The following SEC23IP variants were observed in gnomAD, a reference collection of about 807,000 sequenced individuals.
The protein encoded by SEC23IP is SEC23 interacting protein, also known as SEC23-interacting protein.
Under a neutral mutation model 113.4 loss-of-function variants are expected in SEC23IP, and 70 were observed. The observed-to-expected ratio is 0.62, with a 90% confidence interval of 0.51 to 0.75. The LOEUF (loss-of-function observed/expected upper bound fraction) is 0.75, where lower values mean the gene tolerates loss of function less well. Ranked by LOEUF, SEC23IP falls within the 30% of genes least tolerant of loss-of-function variation. SEC23IP has a pLI of 0.00. For synonymous variants in SEC23IP, 398 were observed against 421.0 expected (o/e 0.95, Z 0.67); for missense variants, 1,160 against 1,204.9 (o/e 0.96, Z 0.55).
In SEC23IP at chr10:119,933,048, C is replaced by T; in HGVS notation, c.2802C>T (p.Asp934=). 2 of 1,614,044 alleles carry T rather than the reference C, an allele frequency of 1.2e-6. No individual in the cohort carries two copies. The highest frequency in any genetic ancestry group is 1.7e-6 in the Non-Finnish European group (2 of 1,179,910). Reference sequence around the variant, plus strand: ...GTCCAGATTTTTCCAAGGATGAGGACTACTTAGGAAAGGTTGGAATGTTAA... The same window carrying T: ...GTCCAGATTTTTCCAAGGATGAGGATTACTTAGGAAAGGTTGGAATGTTAA... ...VESPDFSKDE[D]YLGKVGMLNG... Residue 934 remains aspartate, a synonymous_variant, in exon 17 of 19, where the codon GAC becomes GAT. Transcript: ENST00000369075.
At chr10:119,914,633 A>G in intron 6 of SEC23IP, 97 bp from the exon 7 acceptor site, 1 of 943,856 alleles carries the variant, frequency 1.1e-6, no homozygotes, top group Non-Finnish European at 1.7e-6. Flanking sequence ...TTCTTTGGCA[A>G]GTTTGTGATG....
intron 6 of SEC23IP, chr10:119,914,526 C>T: frequency 1.9e-6 from 1 of 522,898 alleles, no homozygotes; most frequent in Non-Finnish European, 3.5e-6. Context: ...CTGCCTCCAC[C>T]TCTTGTTCTA....
rs768582632 is a variant in SEC23IP at position 119,903,026 on chromosome 10, C to A, written c.907+17C>A. On this transcript the variant is annotated intron_variant, in intron 3 of 18. Transcript: ENST00000369075. ...ATAATTCAGGTAAACATTGGTCATA[C>A]ATCATTCATATCTGATTTTAGGAAG... 5.1e-6 allele frequency: 8 copies of A among 1,574,478 alleles called. 1 individual carries two copies. In the South Asian group the frequency reaches 5.6e-5, roughly 11 times the overall value.
rs1855943642 is a variant in SEC23IP, at chr10:119,940,840, T to A, written c.*275T>A. On this transcript the variant is annotated 3_prime_UTR_variant, in exon 19 of 19. Transcript: ENST00000369075. Reference sequence around the variant, plus strand: ...ATGATGCCATGAAAAATTCCACAGATCAGTTTAGTTGTATAGTTGTCAAAG... The same window carrying A: ...ATGATGCCATGAAAAATTCCACAGAACAGTTTAGTTGTATAGTTGTCAAAG... The A allele has an allele frequency of 6.6e-6, 1 of 152,160 alleles. No homozygotes were observed. The highest frequency in any genetic ancestry group is 6.5e-5 in the Admixed American group (1 of 15,274). The allele number at this position is 152,160 out of a possible 1,614,324, so 9.4% of individuals were successfully genotyped here. A position where few individuals can be genotyped will look rare whatever the true frequency, so the allele number is the denominator to read the frequency against.
At chr10:119,932,388 G>A (rs1855634526) in intron 16 of SEC23IP, 70 bp downstream of exon 16, 2 of 1,183,550 alleles carry the variant, frequency 1.7e-6, no homozygotes, top group African/African-American at 1.6e-5. Context: ...AAAGTTATAT[G>A]ATGATGCATT....
In SEC23IP at chr10:119,930,387, C is replaced by T. The variant is rs931537078; in HGVS notation, c.2528C>T (p.Ala843Val). 6.2e-7 allele frequency: 1 copy of T among 1,611,944 alleles called. No homozygotes were observed. Among genetic ancestry groups the T allele is most frequent in the African/African-American group, 1.3e-5 (1 of 74,878 alleles). ...PMIVPDLDLKAVLIPHHKGRK... is the reference protein window; with the variant it reads ...PMIVPDLDLKVVLIPHHKGRK... ...ATTGTTCCAGATTTGGACCTAAAAG[C>T]TGTTCTCATTCCACATCACAAAGGC... Residue 843 changes from alanine (A) to valine (V), a missense_variant, in exon 15 of 19, where the codon GCT becomes GTT. Transcript: ENST00000369075.
intron 5 of SEC23IP, 118 bp downstream of exon 5, chr10:119,909,248 G>A (rs999283043): frequency 3.2e-6 from 2 of 634,684 alleles, no homozygotes; most frequent in East Asian, 2.8e-5. Context: ...TGTAACAAGT[G>A]CATTGCTTTT....
intron 8 of SEC23IP, among the ~76,000 whole-genome samples, chr10:119,916,850 G>A (rs1440911341): frequency 6.6e-6 from 1 of 151,898 alleles, no homozygotes; most frequent in Non-Finnish European, 1.5e-5. Context: ...ATAGTTATAG[G>A]CACAAATAAC....
intron 6 of SEC23IP, among the ~76,000 whole-genome samples, chr10:119,914,207 G>T (rs1241411954): frequency 1.3e-5 from 2 of 152,190 alleles, no homozygotes; most frequent in Non-Finnish European, 2.9e-5. Flanking sequence ...GGTAGGATTT[G>T]GCCTGTGGGC....
In SEC23IP at chr10:119,941,210, C is replaced by G. The variant is rs1855954074; in HGVS notation, c.*645C>G. On this transcript the variant is annotated 3_prime_UTR_variant, in exon 19 of 19. Coordinates refer to ENST00000369075, the MANE Select transcript of SEC23IP (RefSeq NM_007190.4). ...CCTGATTGTGGAAAGAAGTGAGATGCACCTTATTTTCAAGAAGTCCTGGGA... is the reference window on the plus strand; with the variant it reads ...CCTGATTGTGGAAAGAAGTGAGATGGACCTTATTTTCAAGAAGTCCTGGGA... The G allele has an allele frequency of 6.6e-6, 1 of 152,122 alleles. No individual in the cohort carries two copies. The highest frequency in any genetic ancestry group is 2.4e-5 in the African/African-American group (1 of 41,424). The allele number at this position is 152,122 out of a possible 1,614,324, so 9.4% of individuals were successfully genotyped here.
chr10:119,899,574 G>GAATGTA, intron 2 of SEC23IP, among the ~76,000 whole-genome samples: 1 of 152,320 alleles, frequency 6.6e-6, no homozygotes, highest in African/African-American at 2.4e-5. Flanking sequence ...GTGTGGTGGA[G>GAATGTA]ATAGCAGTAT....
chr10:119,914,541 G>A (rs545025823), intron 6 of SEC23IP, 189 bp from the exon 7 acceptor site: 2 of 541,590 alleles, frequency 3.7e-6, no homozygotes, highest in Non-Finnish European at 6.7e-6. Context: ...GTTCTAGTTC[G>A]CTTTTATATG....
intron 8 of SEC23IP, among the ~76,000 whole-genome samples, 183 bp downstream of exon 8, chr10:119,916,072 T>G (rs1855042389): frequency 6.6e-6 from 1 of 152,236 alleles, no homozygotes; most frequent in African/African-American, 2.4e-5. Flanking sequence ...TGTGTGTGCA[T>G]TCCTTTTGTA....
At position 119,917,960 on chromosome 10, in the gene SEC23IP, A is replaced by G. The variant is rs1177848609; in HGVS notation, c.1669A>G (p.Met557Val). Reference sequence around the variant, plus strand: ...TCAGACAATTGTGGAAAAAGTAGGAATGGAGATAAACCATCTGCATGCACT... The same window carrying G: ...TCAGACAATTGTGGAAAAAGTAGGAGTGGAGATAAACCATCTGCATGCACT... ...YCQTIVEKVG[M>V]EINHLHALFM... The change falls in exon 9 of 19, where the codon ATG becomes GTG. Residue 557 changes from methionine (M) to valine (V), a missense_variant. Met to Val is a conservative substitution (Grantham distance 21). Transcript: ENST00000369075. 1 of 1,614,124 alleles carries G rather than the reference A, an allele frequency of 6.2e-7. No homozygotes were observed. The highest frequency in any genetic ancestry group is 1.7e-5 in the Admixed American group (1 of 60,024).
intron 15 of SEC23IP, 33 bp from the exon 16 acceptor site, chr10:119,932,100 A>G (rs372371727): frequency 5.0e-5 from 71 of 1,414,526 alleles, no homozygotes; most frequent in Non-Finnish European, 6.8e-5. Context: ...CCCAGTGACT[A>G]ATTAACTTGT....
At position 119,941,169 on chromosome 10, in the gene SEC23IP, A is replaced by G. The variant is rs1855952649; in HGVS notation, c.*604A>G. On this transcript the variant is annotated 3_prime_UTR_variant, in exon 19 of 19. Coordinates refer to ENST00000369075, the MANE Select transcript of SEC23IP (RefSeq NM_007190.4). ...GAATCTGAGGTTTTATAAATCCCTC[A>G]AACGATTGCTGAGAGCCTGATTGTG... The G allele has an allele frequency of 6.6e-6, 1 of 152,202 alleles. No homozygotes were observed. Among genetic ancestry groups the G allele is most frequent in the Admixed American group, 6.5e-5 (1 of 15,278 alleles). The allele number at this position is 152,202 out of a possible 1,614,324, so 9.4% of individuals were successfully genotyped here. A position where few individuals can be genotyped will look rare whatever the true frequency, so the allele number is the denominator to read the frequency against.
chr10:119,897,956 G>A (rs1854331586), intron 1 of SEC23IP, among the ~76,000 whole-genome samples: 1 of 151,112 alleles, frequency 6.6e-6, no homozygotes, highest in Admixed American at 6.6e-5. Flanking sequence ...AGTGAGCTGA[G>A]ATTGCGCCAC....
In SEC23IP at chr10:119,926,186, G is replaced by C. The variant is rs1452824139; in HGVS notation, c.2272G>C (p.Val758Leu). ...KLPVGACVSS[V>L]CVNYESFEVG... The stretch of plus-strand genomic sequence containing the variant: ...TCCAGTTGGTGCTTGCGTGTCTTCT[G>C]TGTGTGTGAATTATGAATCTTTTGA... The change falls in exon 13 of 19, where the codon GTG becomes CTG. Residue 758 changes from valine to leucine, a missense_variant. By Grantham distance (32) the Val-to-Leu change is conservative. Transcript: ENST00000369075. 1 of 1,614,132 alleles carries C rather than the reference G, an allele frequency of 6.2e-7. No individual in the cohort carries two copies. Among genetic ancestry groups the C allele is most frequent in the African/African-American group, 1.3e-5 (1 of 75,042 alleles).
chr10:119,899,892 A>C (rs1332164220), intron 2 of SEC23IP, among the ~76,000 whole-genome samples: 5 of 152,244 alleles, frequency 3.3e-5, no homozygotes, highest in Non-Finnish European at 7.3e-5. Flanking sequence ...TCCTTTACTC[A>C]GGTTTACTTA....
Sources: allele counts gnomAD v4.1 joint callset (sites outside exome capture counted in the v4.1 genomes callset), GRCh38; gene constraint gnomAD v4.1.1; transcripts MANE v1.5; gene names NCBI Gene and HGNC (gene_info 2026-07-23, HGNC 2026-07-21).